The following PLPP7 variants were observed in gnomAD, a reference collection of about 807,000 sequenced individuals.
The protein encoded by PLPP7 is inactive phospholipid phosphatase 7.
PLPP7 carries 11 observed loss-of-function variants against 16.9 expected under a neutral mutation model. The observed-to-expected ratio is 0.65, with a 90% CI of 0.41 to 1.08. PLPP7 has a LOEUF of 1.08. PLPP7 is among the 50% of genes least tolerant of loss of function. PLPP7 has a pLI of 0.00. For synonymous variants in PLPP7, 174 were observed against 175.1 expected, an observed-to-expected ratio of 0.99 and a Z score of 0.05; for missense variants, 358 against 397.1, an observed-to-expected ratio of 0.90 and a Z score of 0.84.
rs7041866 is a variant in PLPP7, at chr9:131,297,475, C to T, written c.451+7027C>T. On this transcript the variant is annotated intron_variant, in intron 1 of 1. Transcript: ENST00000372264. ...ACCTCAGCTCACTGCAACCTCTGTC[C>T]CCCAAGTTCAAGTGATTCTCCTGCC... Among the ~76,000 whole-genome samples the T allele has an allele frequency of 3.8e-3, 572 of 151,946 alleles. 4 individuals are homozygous for T. Among genetic ancestry groups the T allele is most frequent in the African/African-American group, 0.012 (514 of 41,422 alleles).
chr9:131,301,174 G>A (rs1461677315), intron 1 of PLPP7, among the ~76,000 whole-genome samples: 1 of 152,028 alleles, frequency 6.6e-6, no homozygotes, highest in African/African-American at 2.4e-5. Flanking sequence ...TCTCCATGTT[G>A]GCCAGGCTGG....
intron 1 of PLPP7, chr9:131,291,093 G>A (rs1226017968): frequency 7.3e-7 from 1 of 1,366,452 alleles, no homozygotes; most frequent in African/African-American, 1.5e-5. Flanking sequence ...CAAAGTCTTT[G>A]CCACCAATGT....
In PLPP7 at chr9:131,298,507, C is replaced by T. The variant is rs1003802140; in HGVS notation, c.451+8059C>T. ...GCCTTCACCTCCCACCCCTACCCCA[C>T]TAGCCCCAACTCCCCAAAGACCCTG... On this transcript the variant is annotated intron_variant, in intron 1 of 1. Coordinates refer to ENST00000372264, the MANE Select transcript of PLPP7 (RefSeq NM_032728.4). Among the ~76,000 whole-genome samples, 5 of 152,094 alleles carry T rather than the reference C, an allele frequency of 3.3e-5. No individual in the cohort carries two copies. In the East Asian group the frequency reaches 5.8e-4, roughly 18 times the overall value.
rs1835888661 is a variant in PLPP7 at position 131,308,960 on chromosome 9, T to G, written c.*673T>G. The G allele has an allele frequency of 6.6e-6, 1 of 152,314 alleles. No individual in the cohort carries two copies. The highest frequency in any genetic ancestry group is 1.5e-5 in the Non-Finnish European group (1 of 68,076). The allele number at this position is 152,314 out of a possible 1,614,324, so 9.4% of individuals were successfully genotyped here. On this transcript the variant is annotated 3_prime_UTR_variant, in exon 2 of 2. Coordinates refer to ENST00000372264, the MANE Select transcript of PLPP7 (RefSeq NM_032728.4). ...TTCTTTAACCCATGTTTTCTAAACT[T>G]ATTTGACCACAGAACCCTTTTCTTG...
At chr9:131,297,469 T>G (rs1239037880) in intron 1 of PLPP7, among the ~76,000 whole-genome samples, 1 of 147,666 alleles carries the variant, frequency 6.8e-6, no homozygotes, top group Non-Finnish European at 1.5e-5. Context: ...CACTGCAACC[T>G]CTGTCCCCCA....
At chr9:131,303,332 TAAAA>T (rs34474446) in intron 1 of PLPP7, among the ~76,000 whole-genome samples, 1 of 99,170 alleles carries the variant, frequency 1.0e-5, no homozygotes, top group Non-Finnish European at 2.0e-5. Context: ...AACTCTGTCT[TAAAA>T]AAAAAAAAAA....
At chr9:131,305,167 G>A (rs904215440) in intron 1 of PLPP7, among the ~76,000 whole-genome samples, 1 of 152,202 alleles carries the variant, frequency 6.6e-6, no homozygotes. Flanking sequence ...ACAGGCACTC[G>A]GCAAACACTT....
rs201260198 is a variant in PLPP7 at position 131,290,345 on chromosome 9, C to T, written c.348C>T (p.Ile116=). 2.1e-4 allele frequency: 345 copies of T among 1,610,454 alleles called. 1 individual carries two copies. Among genetic ancestry groups the T allele is most frequent in the East Asian group, 4.2e-4 (19 of 44,784 alleles). The change falls in exon 1 of 2, where the codon ATC becomes ATT. Residue 116 remains isoleucine (I), a synonymous_variant. Transcript: ENST00000372264. The surrounding 1 kb of genome is among the most constrained non-coding windows in gnomAD (Gnocchi z 4.2). ...WASARSMVKL[I]GITGHGIPWI... is the part of the protein sequence containing the mutation. ...GTGCCCGCTCCATGGTCAAGCTCAT[C>T]GGCATCACGGGCCACGGCATCCCCT...
chr9:131,293,883 G>C (rs1476712206), intron 1 of PLPP7, among the ~76,000 whole-genome samples: 1 of 152,120 alleles, frequency 6.6e-6, no homozygotes, highest in Non-Finnish European at 1.5e-5. Context: ...CTGCCCACCC[G>C]CTCTGGCCCC....
rs1450876946 is a variant in PLPP7, at chr9:131,290,057, T to A, written c.60T>A (p.Ala20=). ...ACCGCAACAACGTCCTCAACCGGGC[T>A]GAGTTCCTGTCCCTGAACCAGCCCC... ...ARDRNNVLNR[A]EFLSLNQPPK... is the part of the protein sequence containing the mutation. Residue 20 remains alanine, a synonymous_variant, in exon 1 of 2, where the codon GCT becomes GCA. Transcript: ENST00000372264. The surrounding 1 kb of genome is among the most constrained non-coding windows in gnomAD (Gnocchi z 4.2). 1 of 1,477,350 alleles carries A rather than the reference T, an allele frequency of 6.8e-7. No homozygotes were observed. The highest frequency in any genetic ancestry group is 2.5e-5 in the East Asian group (1 of 39,930). 91.5% of individuals were successfully genotyped at this position (1,477,350 alleles called of 1,614,324 possible).
rs1835725378 is a variant in PLPP7, at chr9:131,295,425, C to T, written c.451+4977C>T. 6.6e-6 allele frequency among the ~76,000 whole-genome samples: 1 copy of T among 152,016 alleles called. No homozygotes were observed. Among genetic ancestry groups the T allele is most frequent in the Non-Finnish European group, 1.5e-5 (1 of 67,998 alleles). ...CATCAGCTTCCCAAAGTGCTGGGAT[C>T]ACAGGAGTGAGCCACCACGCCTGGC... On this transcript the variant is annotated intron_variant, in intron 1 of 1. Transcript: ENST00000372264. This position sits in a 1 kb window ranked among gnomAD's most constrained non-coding sequence, Gnocchi z 4.0.
rs150574429 is a variant in PLPP7 at position 131,308,676 on chromosome 9, C to T, written c.*389C>T. ...TGGCTGTGCCCATCACGCCACAGCA[C>T]GACGCCTGCCAAAATGCCCCCAACC... On this transcript the variant is annotated 3_prime_UTR_variant, in exon 2 of 2. Transcript: ENST00000372264. 514 of 204,214 alleles carry T rather than the reference C, an allele frequency of 2.5e-3. 4 individuals are homozygous for T. Among genetic ancestry groups the T allele is most frequent in the African/African-American group, 0.011 (494 of 43,210 alleles). 12.7% of individuals were successfully genotyped at this position (204,214 alleles called of 1,614,324 possible).
intron 1 of PLPP7, among the ~76,000 whole-genome samples, chr9:131,304,358 C>T (rs1051571195): frequency 2.6e-5 from 4 of 152,230 alleles, no homozygotes; most frequent in Admixed American, 2.6e-4. Flanking sequence ...AAAGGCCAGG[C>T]GCAGTGGCTC....
rs1292685925 is a variant in PLPP7 at position 131,295,184 on chromosome 9, C to T, written c.451+4736C>T. On this transcript the variant is annotated intron_variant, in intron 1 of 1. Transcript: ENST00000372264. This position sits in a 1 kb window ranked among gnomAD's most constrained non-coding sequence, Gnocchi z 4.0. ...CTTTTTTTTTTTTGAGACGGAGTCT[C>T]GCTCTGTCACCCAGGCTGGACTGCA... Among the ~76,000 whole-genome samples the T allele has an allele frequency of 2.0e-5, 3 of 151,250 alleles. No individual in the cohort carries two copies. The highest frequency in any genetic ancestry group is 4.9e-5 in the African/African-American group (2 of 41,166).
chr9:131,299,131 G>A (rs891283612), intron 1 of PLPP7, among the ~76,000 whole-genome samples: 15 of 152,226 alleles, frequency 9.9e-5, no homozygotes, highest in African/African-American at 3.6e-4. Flanking sequence ...TAGACACACC[G>A]AGGTTTTGCT....
At chr9:131,307,746 C>T (rs916363515) in intron 1 of PLPP7, among the ~76,000 whole-genome samples, 177 bp from the exon 2 acceptor site, 28 of 152,044 alleles carry the variant, frequency 1.8e-4, no homozygotes, top group African/African-American at 6.5e-4. Flanking sequence ...CAGGATGTGC[C>T]GGGCAGGGGA....
At chr9:131,305,008 C>T (rs770873932) in intron 1 of PLPP7, among the ~76,000 whole-genome samples, 1 of 152,178 alleles carries the variant, frequency 6.6e-6, no homozygotes, top group Non-Finnish European at 1.5e-5. Flanking sequence ...CTCTGAGCTC[C>T]AGGGGTTCAT....
intron 1 of PLPP7, among the ~76,000 whole-genome samples, chr9:131,304,163 A>G (rs1337037995): frequency 6.6e-6 from 1 of 152,022 alleles, no homozygotes; most frequent in Non-Finnish European, 1.5e-5. Flanking sequence ...TGGAGGGTTG[A>G]CCTGGAACCC....
At chr9:131,292,919 T>A (rs1163068384) in intron 1 of PLPP7, 1 of 985,292 alleles carries the variant, frequency 1.0e-6, no homozygotes, top group Non-Finnish European at 1.2e-6. Flanking sequence ...CCCCACAGGA[T>A]AAAGATGAAG....
Sources: gnomAD v4.1 joint callset for allele counts (sites outside exome capture counted in the v4.1 genomes callset) on GRCh38, gnomAD v4.1.1 for gene constraint, Gnocchi (gnomAD v3.1) non-coding constraint, MANE v1.5 for transcripts, NCBI Gene and HGNC (gene_info 2026-07-23, HGNC 2026-07-21) for gene names.